The following ZBTB7C variants were observed in gnomAD, a reference collection of about 807,000 sequenced individuals.
ZBTB7C encodes the protein zinc finger and BTB domain-containing protein 7C.
ZBTB7C carries 8 observed loss-of-function variants against 25.7 expected under a neutral mutation model. The observed-to-expected ratio is 0.31, with a 90% CI of 0.18 to 0.56. ZBTB7C has a LOEUF of 0.56. Among genes scored for constraint, ZBTB7C ranks in the 20% least tolerant of loss-of-function variants. The pLI, the probability that ZBTB7C is intolerant of heterozygous loss-of-function variation, is 0.91. For missense variants in ZBTB7C, 824 were observed against 855.2 expected (o/e 0.96, Z 0.46); for synonymous variants, 394 against 369.0 (o/e 1.07, Z -0.78).
intron 1 of ZBTB7C, among the ~76,000 whole-genome samples, chr18:48,378,435 G>A (rs565470664): frequency 6.6e-6 from 1 of 152,294 alleles, no homozygotes; most frequent in Admixed American, 6.5e-5. Context: ...GAAGGTGGAT[G>A]AGCCTTCTCT....
chr18:48,141,540 T>C (rs866196549), intron 3 of ZBTB7C, among the ~76,000 whole-genome samples: 73 of 151,876 alleles, frequency 4.8e-4, no homozygotes, highest in African/African-American at 1.7e-3. Flanking sequence ...ATTCTTCCAT[T>C]GTAGAGAAAA....
chr18:48,206,080 T>C (rs927561349), intron 2 of ZBTB7C, among the ~76,000 whole-genome samples: 8 of 152,138 alleles, frequency 5.3e-5, no homozygotes, highest in South Asian at 2.1e-4. Flanking sequence ...TATACATGTG[T>C]GGAAACTGAG....
chr18:48,288,095 A>G (rs768793695), intron 2 of ZBTB7C, among the ~76,000 whole-genome samples: 2 of 152,244 alleles, frequency 1.3e-5, no homozygotes, highest in Non-Finnish European at 2.9e-5. Context: ...AAAAATTGGA[A>G]AGGAAGAAAT....
chr18:48,077,832 A>T (rs1162426043), intron 3 of ZBTB7C, among the ~76,000 whole-genome samples: 1 of 152,116 alleles, frequency 6.6e-6, no homozygotes, highest in African/African-American at 2.4e-5. Flanking sequence ...CTCCCTGGTT[A>T]TAGAGGTAAG....
intron 1 of ZBTB7C, among the ~76,000 whole-genome samples, chr18:48,375,917 T>C (rs1191452204): frequency 6.6e-6 from 1 of 152,244 alleles, no homozygotes; most frequent in African/African-American, 2.4e-5. Flanking sequence ...CTTGGAGACC[T>C]TAGGCAAGTC....
intron 2 of ZBTB7C, among the ~76,000 whole-genome samples, chr18:48,229,846 G>C (rs754931596): frequency 2.0e-5 from 3 of 152,140 alleles, no homozygotes; most frequent in Admixed American, 6.5e-5. Flanking sequence ...GGGCACTGAG[G>C]GGGTGGCCAA....
intron 3 of ZBTB7C, among the ~76,000 whole-genome samples, chr18:48,140,928 C>T (rs1028976616): frequency 6.6e-6 from 1 of 152,196 alleles, no homozygotes; most frequent in African/African-American, 2.4e-5. Context: ...TTGACTTCTA[C>T]AGGCACCTCC....
chr18:48,077,238 AG>A (rs1442839104), intron 3 of ZBTB7C, among the ~76,000 whole-genome samples: 1 of 152,184 alleles, frequency 6.6e-6, no homozygotes, highest in Non-Finnish European at 1.5e-5. Context: ...ACCTAATAAA[AG>A]TCATGGTGAC....
intron 2 of ZBTB7C, among the ~76,000 whole-genome samples, chr18:48,254,006 T>C (rs903443505): frequency 1.3e-5 from 2 of 152,198 alleles, no homozygotes; most frequent in African/African-American, 2.4e-5. Flanking sequence ...AAGACCCCCA[T>C]AGAAGAAGTG....
chr18:48,208,094 A>T (rs953570), intron 2 of ZBTB7C, among the ~76,000 whole-genome samples: 44,750 of 151,926 alleles, frequency 0.29, 7,055 homozygotes, highest in East Asian at 0.54. Context: ...AGAATAAAGT[A>T]TAGCCAGGCA....
chr18:48,213,886 C>CA (rs758639780), intron 2 of ZBTB7C, among the ~76,000 whole-genome samples: 4 of 152,192 alleles, frequency 2.6e-5, no homozygotes, highest in Non-Finnish European at 5.9e-5. Flanking sequence ...ATGGAGCTGT[C>CA]AAAATGTAGG....
At chr18:48,214,280 A>T (rs779461325) in intron 2 of ZBTB7C, among the ~76,000 whole-genome samples, 3 of 152,184 alleles carry the variant, frequency 2.0e-5, no homozygotes, top group Non-Finnish European at 4.4e-5. Context: ...TGTCTCCAAT[A>T]AACATAAATT....
At chr18:48,224,694 A>G (rs2043045715) in intron 2 of ZBTB7C, among the ~76,000 whole-genome samples, 1 of 151,892 alleles carries the variant, frequency 6.6e-6, no homozygotes. Context: ...GGGCAAGCCA[A>G]TTAGACCCGT....
chr18:48,191,582 G>A (rs141993207), intron 2 of ZBTB7C, among the ~76,000 whole-genome samples: 1 of 152,360 alleles, frequency 6.6e-6, no homozygotes, highest in African/African-American at 2.4e-5. Context: ...TCAGTCCTCA[G>A]TGCCTCACAT....
intron 1 of ZBTB7C, among the ~76,000 whole-genome samples, chr18:48,387,162 G>A (rs1338054220): frequency 2.0e-5 from 3 of 152,190 alleles, no homozygotes; most frequent in Admixed American, 1.3e-4. Flanking sequence ...AAAGTAGTTG[G>A]AGTCAGGGTA....
chr18:48,029,805 T>C lies in ZBTB7C; in HGVS notation c.1315A>G (p.Met439Val). The C allele has an allele frequency of 1.2e-6, 2 of 1,609,084 alleles. No individual in the cohort carries two copies. Among genetic ancestry groups the C allele is most frequent in the East Asian group, 4.5e-5 (2 of 44,872 alleles). The change falls in exon 5 of 5, where the codon ATG becomes GTG. Residue 439 changes from methionine (M) to valine (V), a missense_variant. Coordinates refer to ENST00000590800, the MANE Select transcript of ZBTB7C (RefSeq NM_001318841.2). The stretch of plus-strand genomic sequence containing the variant: ...GGCCGCACGCCCGTGTGGATGCGCA[T>C]GTGGTTCTTGAGGTCGTAGTTGTGC... ...FVHNYDLKNH[M>V]RIHTGVRPYQ...
rs563550665 is a variant in ZBTB7C, at chr18:48,028,965, G to A, written c.*295C>T. The A allele has an allele frequency of 8.5e-5, 34 of 399,344 alleles. No individual in the cohort carries two copies. In the East Asian group the frequency reaches 1.8e-3, roughly 21 times the overall value. 24.7% of individuals were successfully genotyped at this position (399,344 alleles called of 1,614,324 possible). On this transcript the variant is annotated 3_prime_UTR_variant, in exon 5 of 5. Transcript: ENST00000590800. ...CTCACCCAGCTCCTAAGTGCCCCTG[G>A]GCACCCAGTTCTTTGTGGCATGGGC...
Position 48,339,987 on chromosome 18 carries a change from AGC to A in ZBTB7C, c.-303-1591_-303-1590del, listed in dbSNP as rs545112932. Among the ~76,000 whole-genome samples the A allele has an allele frequency of 5.9e-5, 9 of 152,368 alleles. No homozygotes were observed. The South Asian group carries it at 1.9e-3, about 32-fold the overall frequency. On this transcript the variant is annotated intron_variant, in intron 1 of 4. Transcript: ENST00000590800. ...TCTCTGCAAAGCAACAGAGGTTAGA[AGC>A]CCCTTCGAAAGAGCAAAACAACTAT...
At chr18:48,225,336 G>A (rs976903820) in intron 2 of ZBTB7C, among the ~76,000 whole-genome samples, 2 of 151,872 alleles carry the variant, frequency 1.3e-5, no homozygotes, top group African/African-American at 2.4e-5. Context: ...GGGAAGGAGA[G>A]GGAGAGAGAA....
Sources: allele counts gnomAD v4.1 joint callset (sites outside exome capture counted in the v4.1 genomes callset), GRCh38; gene constraint gnomAD v4.1.1; transcripts MANE v1.5; gene names NCBI Gene and HGNC (gene_info 2026-07-23, HGNC 2026-07-21).